ASPH: variants seen among roughly 807,000 people sequenced by gnomAD.
ASPH encodes the protein aspartate beta-hydroxylase.
Under a neutral mutation model 118.4 loss-of-function variants are expected in ASPH, and 100 were observed. That is an observed-to-expected ratio of 0.84 (90% confidence interval 0.72 to 1.00). The LOEUF is 1.00. ASPH is among the 50% of genes least tolerant of loss of function. The pLI, the probability that ASPH is intolerant of heterozygous loss-of-function variation, is 0.00. For missense variants in ASPH, 920 were observed against 919.5 expected (o/e 1.00, Z -0.01); for synonymous variants, 315 against 325.6 (o/e 0.97, Z 0.35).
At chr8:61,663,879 C>T in intron 3 of ASPH, 1 of 949,930 alleles carries the variant, frequency 1.1e-6, no homozygotes, top group Non-Finnish European at 1.3e-6. Context: ...AAAAGGTGTA[C>T]AATACATTTA....
chr8:61,518,679 A>T (rs898863537), intron 22 of ASPH, among the ~76,000 whole-genome samples: 1 of 152,238 alleles, frequency 6.6e-6, no homozygotes, highest in African/African-American at 2.4e-5. Flanking sequence ...ACGGTATTTT[A>T]TCGATACCAT....
chr8:61,601,405 G>A (rs1286464117), intron 14 of ASPH, among the ~76,000 whole-genome samples: 1 of 151,024 alleles, frequency 6.6e-6, no homozygotes, highest in East Asian at 1.9e-4. Context: ...GCCAGGCGTG[G>A]TGGCGGGTGC....
At chr8:61,552,467 C>T (rs1826360547) in intron 20 of ASPH, among the ~76,000 whole-genome samples, 1 of 152,154 alleles carries the variant, frequency 6.6e-6, no homozygotes, top group South Asian at 2.1e-4. Flanking sequence ...CCACAATGTT[C>T]GTCTTAAACT....
At chr8:61,708,999 G>A (rs950115133) in intron 1 of ASPH, among the ~76,000 whole-genome samples, 8 of 151,910 alleles carry the variant, frequency 5.3e-5, no homozygotes, top group Admixed American at 2.6e-4. Flanking sequence ...ACAGGGGGCC[G>A]AATAGCCCAG....
At chr8:61,558,624 C>T (rs1008783804) in intron 18 of ASPH, among the ~76,000 whole-genome samples, 6 of 152,156 alleles carry the variant, frequency 3.9e-5, no homozygotes, top group South Asian at 2.1e-4. Flanking sequence ...TGTCAGGAGG[C>T]GAGGTTCAGG....
At chr8:61,570,303 T>C (rs898652326) in intron 16 of ASPH, among the ~76,000 whole-genome samples, 1 of 152,182 alleles carries the variant, frequency 6.6e-6, no homozygotes, top group African/African-American at 2.4e-5. Flanking sequence ...TTTCACACCA[T>C]TATAAAGTTG....
chr8:61,677,959 A>G (rs147366099), intron 3 of ASPH, among the ~76,000 whole-genome samples: 41 of 152,286 alleles, frequency 2.7e-4, no homozygotes, highest in African/African-American at 9.6e-4. Flanking sequence ...TTCTCAAGAC[A>G]AAAGTACTAG....
At chr8:61,526,189 G>A (rs1250641574) in intron 21 of ASPH, 77 bp from the exon 22 acceptor site, 1 of 1,554,780 alleles carries the variant, frequency 6.4e-7, no homozygotes, top group Non-Finnish European at 8.7e-7. Context: ...TGTTTTTTTT[G>A]AGGTTCGTCT....
chr8:61,569,402 A>T (rs1832788661), intron 16 of ASPH, among the ~76,000 whole-genome samples: 1 of 152,198 alleles, frequency 6.6e-6, no homozygotes, highest in Non-Finnish European at 1.5e-5. Flanking sequence ...TTATGTTGTT[A>T]AAATGTGTGC....
At chr8:61,675,854 A>G in intron 3 of ASPH, 1 of 1,354,426 alleles carries the variant, frequency 7.4e-7, no homozygotes, top group South Asian at 2.1e-5. Flanking sequence ...GTAGCTGACT[A>G]CAAGAATGAG....
intron 1 of ASPH, among the ~76,000 whole-genome samples, chr8:61,701,964 T>G (rs1835337079): frequency 6.6e-6 from 1 of 152,236 alleles, no homozygotes; most frequent in Admixed American, 6.5e-5. Flanking sequence ...TAAATGGAAT[T>G]TTATTACAAG....
intron 16 of ASPH, among the ~76,000 whole-genome samples, chr8:61,571,741 T>C (rs1219690488): frequency 6.6e-6 from 1 of 152,332 alleles, no homozygotes; most frequent in African/African-American, 2.4e-5. Context: ...GGAAAACTTC[T>C]AAGGTATAAA....
At chr8:61,703,747 A>C (rs538281484) in intron 1 of ASPH, among the ~76,000 whole-genome samples, 1 of 152,326 alleles carries the variant, frequency 6.6e-6, no homozygotes, top group East Asian at 1.9e-4. Context: ...AGCATGCTTT[A>C]TTCTGTGGAA....
intron 3 of ASPH, chr8:61,663,129 G>A (rs1247237720): frequency 1.0e-6 from 1 of 985,246 alleles, no homozygotes; most frequent in South Asian, 4.7e-5. Flanking sequence ...CGGGGATATG[G>A]TTTGAGAATC....
At chr8:61,650,696 AG>A (rs553927322) in intron 5 of ASPH, among the ~76,000 whole-genome samples, 220 of 152,254 alleles carry the variant, frequency 1.4e-3, no homozygotes, top group African/African-American at 4.9e-3. Context: ...AGCAAAATCG[AG>A]GTGGAGCACA....
intron 1 of ASPH, among the ~76,000 whole-genome samples, chr8:61,692,987 A>G (rs955060160): frequency 4.6e-5 from 7 of 151,666 alleles, no homozygotes; most frequent in African/African-American, 1.7e-4. Flanking sequence ...GACATCAACA[A>G]CAAAACCCTG....
At chr8:61,605,613 T>C (rs1169867873) in intron 14 of ASPH, among the ~76,000 whole-genome samples, 1 of 152,230 alleles carries the variant, frequency 6.6e-6, no homozygotes, top group Non-Finnish European at 1.5e-5. Context: ...GGAATTCATA[T>C]GCCTATAAGG....
chr8:61,668,448 C>T (rs1257282689), intron 3 of ASPH, among the ~76,000 whole-genome samples: 6 of 152,134 alleles, frequency 3.9e-5, no homozygotes, highest in Admixed American at 3.9e-4. Flanking sequence ...TTAAAGCTTT[C>T]CTTTCACTAT....
intron 6 of ASPH, among the ~76,000 whole-genome samples, chr8:61,644,972 C>T (rs956488437): frequency 1.2e-4 from 18 of 152,214 alleles, no homozygotes; most frequent in Admixed American, 1.1e-3. Flanking sequence ...GCTATCTCCT[C>T]GACCTGTCCT....
Sources: allele counts gnomAD v4.1 joint callset (sites outside exome capture counted in the v4.1 genomes callset), GRCh38; gene constraint gnomAD v4.1.1; transcripts MANE v1.5; gene names NCBI Gene and HGNC (gene_info 2026-07-23, HGNC 2026-07-21).